Variants in SPINK14 observed in about 807,000 individuals in gnomAD.
SPINK14 encodes the protein serine peptidase inhibitor Kazal type 14 (putative).
Under a neutral mutation model 14.2 loss-of-function variants are expected in SPINK14, and 6 were observed. The ratio of observed to expected loss-of-function variants is 0.42; its 90% CI spans 0.23 to 0.83. SPINK14 has a LOEUF of 0.83. Among genes scored for constraint, SPINK14 ranks in the 40% least tolerant of loss-of-function variants. The pLI is 0.28. For missense variants in SPINK14, 86 were observed against 108.3 expected (o/e 0.79, Z 0.91); for synonymous variants, 34 against 36.8 (o/e 0.92, Z 0.27).
intron 2 of SPINK14, among the ~76,000 whole-genome samples, chr5:148,170,698 C>T (rs1383771124): frequency 6.6e-6 from 1 of 152,124 alleles, no homozygotes. Flanking sequence ...CACTGGACTG[C>T]CAGCCTTTAT....
At chr5:148,171,043 C>T in intron 3 of SPINK14, 70 bp downstream of exon 3, 2 of 1,451,844 alleles carry the variant, frequency 1.4e-6, no homozygotes, top group South Asian at 1.2e-5. Flanking sequence ...GGAATTGTTA[C>T]TGTGGAAACT....
At chr5:148,170,872 G>C in intron 2 of SPINK14, 58 bp from the exon 3 acceptor site, 2 of 1,482,896 alleles carry the variant, frequency 1.3e-6, no homozygotes, top group Non-Finnish European at 9.4e-7. Flanking sequence ...TCTGCCAACA[G>C]ATTAAGCTAT....
At chr5:148,169,605 T>A in intron 1 of SPINK14, 56 bp from the exon 2 acceptor site, 1 of 641,878 alleles carries the variant, frequency 1.6e-6, no homozygotes, top group Non-Finnish European at 2.7e-6. Context: ...ATGGGTGGAG[T>A]AGAGATGGCT....
chr5:148,172,272 G>T (rs2113282099), intron 3 of SPINK14, among the ~76,000 whole-genome samples: 1 of 152,150 alleles, frequency 6.6e-6, no homozygotes. Context: ...TACCTACCTG[G>T]GTCACTAATT....
At position 148,169,750 on chromosome 5, in the gene SPINK14, A is replaced by G. The variant is rs757798612; in HGVS notation, c.18A>G (p.Pro6=). 1.2e-6 allele frequency: 2 copies of G among 1,606,206 alleles called. No homozygotes were observed. Among genetic ancestry groups the G allele is most frequent in the Non-Finnish European group, 8.5e-7 (1 of 1,176,130 alleles). Residue 6 remains proline, a synonymous_variant, in exon 2 of 5, where the codon CCA becomes CCG. Transcript: ENST00000356972. MAKSF[P]VFSLLSFILI... is the part of the protein sequence containing the mutation. Reference sequence around the variant, plus strand: ...GAGGAAAAATGGCCAAATCTTTCCCAGTATTCTCACTTTTGTCCTTTATCT... The same window carrying G: ...GAGGAAAAATGGCCAAATCTTTCCCGGTATTCTCACTTTTGTCCTTTATCT...
rs186322873 is a variant in SPINK14 at position 148,169,652 on chromosome 5, C to G, written c.-72-9C>G. 6.8e-5 allele frequency: 76 copies of G among 1,116,532 alleles called. 1 individual carries two copies. Among genetic ancestry groups the G allele is most frequent in the South Asian group, 6.5e-4 (47 of 72,282 alleles). The allele number at this position is 1,116,532 out of a possible 1,614,324, so 69.2% of individuals were successfully genotyped here. A position where few individuals can be genotyped will look rare whatever the true frequency, so the allele number is the denominator to read the frequency against. On this transcript the variant is annotated splice_polypyrimidine_tract_variant and intron_variant, in intron 1 of 4. Coordinates refer to ENST00000356972, the MANE Select transcript of SPINK14 (RefSeq NM_001001325.2). ...AAGTCATCTTAAATCCTGATTGTCTCTACTTTAGTGATTGTATTAGAGGGC... is the reference window on the plus strand; with the variant it reads ...AAGTCATCTTAAATCCTGATTGTCTGTACTTTAGTGATTGTATTAGAGGGC...
chr5:148,168,734 T>C (rs986780603), intron 1 of SPINK14, among the ~76,000 whole-genome samples, 167 bp downstream of exon 1: 1 of 152,102 alleles, frequency 6.6e-6, no homozygotes, highest in Non-Finnish European at 1.5e-5. Context: ...TGTCCCAGAT[T>C]GTGCCAGGAG....
chr5:148,171,548 C>T (rs374372868), intron 3 of SPINK14, among the ~76,000 whole-genome samples: 9 of 152,128 alleles, frequency 5.9e-5, no homozygotes, highest in African/African-American at 1.9e-4. Flanking sequence ...TGAGGTCAAT[C>T]GATATTTGAT....
intron 3 of SPINK14, among the ~76,000 whole-genome samples, chr5:148,171,692 C>T (rs1318818835): frequency 6.6e-6 from 1 of 152,032 alleles, no homozygotes; most frequent in Non-Finnish European, 1.5e-5. Context: ...TTTATTTCTT[C>T]TTTGTAAAAA....
intron 3 of SPINK14, 56 bp downstream of exon 3, chr5:148,171,029 T>C: frequency 1.3e-6 from 2 of 1,541,766 alleles, no homozygotes; most frequent in Non-Finnish European, 1.8e-6. Context: ...AGTTCTTTTT[T>C]TTTGGAATTG....
chr5:148,168,926 T>C (rs770660864), intron 1 of SPINK14, among the ~76,000 whole-genome samples: 1 of 152,160 alleles, frequency 6.6e-6, no homozygotes, highest in Non-Finnish European at 1.5e-5. Flanking sequence ...AGAGAACATA[T>C]GGAAGACCAG....
Position 148,174,517 on chromosome 5 carries a change from G to A in SPINK14, c.248+147G>A, listed in dbSNP as rs1755143548. ...TAATAATCAGCACCCACTCAGAAAA[G>A]CACATAGTAATTGAAAGTCCACTGG... On this transcript the variant is annotated intron_variant, in intron 4 of 4. Coordinates refer to ENST00000356972, the MANE Select transcript of SPINK14 (RefSeq NM_001001325.2). 7.3e-5 allele frequency: 34 copies of A among 465,702 alleles called. 12 individuals carry two copies. In the South Asian group the frequency reaches 8.0e-4, roughly 11 times the overall value. 28.8% of individuals were successfully genotyped at this position (465,702 alleles called of 1,614,324 possible). A position where few individuals can be genotyped will look rare whatever the true frequency, so the allele number is the denominator to read the frequency against.
At chr5:148,174,101 C>T in intron 3 of SPINK14, 133 bp from the exon 4 acceptor site, 1 of 494,268 alleles carries the variant, frequency 2.0e-6, no homozygotes, top group Admixed American at 2.6e-5. Flanking sequence ...ACCTCAGCCT[C>T]CCAAAATGTT....
In SPINK14 at chr5:148,170,169, T is replaced by TACACACAC. The variant is rs777519973; in HGVS notation, c.67+371_67+372insCACACACA. Among the ~76,000 whole-genome samples the TACACACAC allele has an allele frequency of 1.3e-3, 133 of 105,696 alleles. 1 individual carries two copies. Among genetic ancestry groups the TACACACAC allele is most frequent in the Non-Finnish European group, 2.0e-3 (92 of 45,736 alleles). The allele number at this position is 105,696 out of a possible 152,430, so 69.3% of individuals were successfully genotyped here. ...TACACATACTCAGAGTATATATATA[T>TACACACAC]ATATACACACACACACACACACACA... On this transcript the variant is annotated intron_variant, in intron 2 of 4. Transcript: ENST00000356972.
At chr5:148,170,856 G>A (rs541923965) in intron 2 of SPINK14, 74 bp from the exon 3 acceptor site, 285 of 1,342,674 alleles carry the variant, frequency 2.1e-4, no homozygotes, top group South Asian at 6.2e-4. Flanking sequence ...ATTAGAACTC[G>A]TTTATTCTGC....
intron 2 of SPINK14, among the ~76,000 whole-genome samples, chr5:148,170,209 T>C (rs1375316258): frequency 6.7e-6 from 1 of 149,602 alleles, no homozygotes; most frequent in African/African-American, 2.5e-5. Flanking sequence ...CATATATATA[T>C]ATATAGAGAG....
At position 148,170,167 on chromosome 5, in the gene SPINK14, T is replaced by TACACAC. The variant is rs1377265238; in HGVS notation, c.67+369_67+370insCACACA. Reference sequence around the variant, plus strand: ...TATACACATACTCAGAGTATATATATATATATACACACACACACACACACA... The same window carrying TACACAC: ...TATACACATACTCAGAGTATATATATACACACATATATACACACACACACACACACA... On this transcript the variant is annotated intron_variant, in intron 2 of 4. Transcript: ENST00000356972. Among the ~76,000 whole-genome samples, 948 of 99,194 alleles carry TACACAC rather than the reference T, an allele frequency of 9.6e-3. 5 individuals carry two copies. The highest frequency in any genetic ancestry group is 0.013 in the Non-Finnish European group (536 of 42,508). The allele number at this position is 99,194 out of a possible 152,430, so 65.1% of individuals were successfully genotyped here. A position where few individuals can be genotyped will look rare whatever the true frequency, so the allele number is the denominator to read the frequency against.
At chr5:148,168,853 G>A (rs1414146544) in intron 1 of SPINK14, among the ~76,000 whole-genome samples, 4 of 152,142 alleles carry the variant, frequency 2.6e-5, no homozygotes, top group African/African-American at 9.7e-5. Flanking sequence ...CCACATCAGA[G>A]CACATCAGCA....
intron 3 of SPINK14, among the ~76,000 whole-genome samples, chr5:148,173,321 C>T (rs1755131159): frequency 6.6e-6 from 1 of 152,072 alleles, no homozygotes; most frequent in South Asian, 2.1e-4. Flanking sequence ...ATCACCAGCA[C>T]CAGCATTGTC....
Sources: allele counts gnomAD v4.1 joint callset (sites outside exome capture counted in the v4.1 genomes callset), GRCh38; gene constraint gnomAD v4.1.1; transcripts MANE v1.5; gene names NCBI Gene and HGNC (gene_info 2026-07-23, HGNC 2026-07-21).